The following SYTL5 variants were observed in gnomAD, a reference collection of about 807,000 sequenced individuals.
SYTL5 encodes synaptotagmin like 5, also known as synaptotagmin-like protein 5.
In SYTL5, 34 loss-of-function variants were observed where a neutral mutation model predicts 55.9. That is an observed-to-expected ratio of 0.61 (90% confidence interval 0.46 to 0.81). SYTL5 has a LOEUF of 0.81. SYTL5 is among the 30% of genes least tolerant of loss of function. The pLI is 0.00. For missense variants in SYTL5, 637 were observed against 546.7 expected (o/e 1.17, Z -1.65); for synonymous variants, 221 against 188.7 (o/e 1.17, Z -1.40).
At chrX:38,036,520 G>T (rs766841680) in intron 2 of SYTL5, among the ~76,000 whole-genome samples, 3 of 111,552 alleles carry the variant, frequency 2.7e-5, no homozygotes, top group African/African-American at 9.8e-5. Flanking sequence ...ATAAATCCAA[G>T]AGATACTTTT....
At chrX:37,953,296 C>T in the SYTL5 span, among the ~76,000 whole-genome samples, 1 of 110,884 alleles carries the variant, frequency 9.0e-6, no homozygotes, top group African/African-American at 3.3e-5. Flanking sequence ...TCAAAGGAAG[C>T]ATATGCAGGA....
the SYTL5 span, among the ~76,000 whole-genome samples, chrX:37,929,868 GA>G: frequency 3.6e-5 from 4 of 111,654 alleles, no homozygotes; most frequent in African/African-American, 9.8e-5. Flanking sequence ...CTTCTAAAAA[GA>G]AAAAAATATA....
At chrX:38,080,024 C>A (rs759050585) in intron 6 of SYTL5, among the ~76,000 whole-genome samples, 2 of 111,539 alleles carry the variant, frequency 1.8e-5, no homozygotes, top group East Asian at 2.8e-4. Context: ...AGTTTAACTG[C>A]GAGTTCTGTA....
chrX:38,033,327 G>C (rs1429726417), intron 1 of SYTL5, among the ~76,000 whole-genome samples: 1 of 111,638 alleles, frequency 9.0e-6, no homozygotes, highest in Non-Finnish European at 1.9e-5. Flanking sequence ...TTTGCATAGA[G>C]AACCAGGAAT....
At chrX:37,969,586 G>A in the SYTL5 span, among the ~76,000 whole-genome samples, 3 of 112,091 alleles carry the variant, frequency 2.7e-5, no homozygotes, top group Admixed American at 2.8e-4. Context: ...ATTAGTAAAA[G>A]TTACAGGAGC....
chrX:37,909,370 A>G, the SYTL5 span, among the ~76,000 whole-genome samples: 1 of 112,464 alleles, frequency 8.9e-6, no homozygotes, highest in Non-Finnish European at 1.9e-5. Context: ...AATGGAGTAG[A>G]TCAAGCTTGT....
chrX:37,898,478 T>C, the SYTL5 span, among the ~76,000 whole-genome samples: 1,280 of 112,293 alleles, frequency 0.011, 12 homozygotes, highest in Middle Eastern at 0.019. Context: ...GGAACCCTCC[T>C]GAATCATTAA....
chrX:37,893,448 T>C, the SYTL5 span, among the ~76,000 whole-genome samples: 1 of 95,625 alleles, frequency 1.0e-5, no homozygotes, highest in Non-Finnish European at 2.0e-5. Context: ...ATAGATTGTA[T>C]ATATAATCTA....
chrX:37,936,407 G>A, the SYTL5 span, among the ~76,000 whole-genome samples: 31 of 112,308 alleles, frequency 2.8e-4, no homozygotes, highest in East Asian at 8.7e-3. Context: ...CAAATCTCAA[G>A]ATCATTTATT....
chrX:37,987,306 C>T, the SYTL5 span, among the ~76,000 whole-genome samples: 11 of 112,131 alleles, frequency 9.8e-5, no homozygotes, highest in East Asian at 1.7e-3. Context: ...GGATAGGGGC[C>T]AAGGTACTGC....
the SYTL5 span, chrX:37,991,095 G>T: frequency 2.5e-6 from 3 of 1,209,603 alleles, no homozygotes; most frequent in Non-Finnish European, 3.4e-6. Flanking sequence ...ACAAGATAGG[G>T]AGAGAGAAGT....
chrX:38,028,749 A>T (rs1451265261), intron 1 of SYTL5, among the ~76,000 whole-genome samples: 2 of 111,622 alleles, frequency 1.8e-5, no homozygotes, highest in Non-Finnish European at 3.8e-5. Flanking sequence ...GTTATCAGAA[A>T]CCTGCATTCA....
the SYTL5 span, among the ~76,000 whole-genome samples, chrX:37,890,017 T>C: frequency 2.0e-3 from 226 of 111,568 alleles, 2 homozygotes; most frequent in African/African-American, 7.0e-3. Context: ...TAAAAGCTGA[T>C]AGAGCCAGTG....
At chrX:38,049,314 AT>A (rs1027442994) in intron 2 of SYTL5, among the ~76,000 whole-genome samples, 7 of 111,806 alleles carry the variant, frequency 6.3e-5, no homozygotes, top group African/African-American at 2.0e-4. Flanking sequence ...TTCTTATTGT[AT>A]TTTTTTGGGA....
rs374423801 is a variant in SYTL5, at chrX:38,117,597, C to T, written c.1597-2761C>T. ...CTCATGATTCTGTGGGTCGACTAGA[C>T]TCATCTAGGTAGTTCTCACTTAGGG... is the stretch of plus-strand genomic sequence containing the variant. On this transcript the variant is annotated intron_variant, in intron 13 of 16. Transcript: ENST00000297875. 1.2e-4 allele frequency among the ~76,000 whole-genome samples: 13 copies of T among 112,215 alleles called. No homozygotes were observed. The East Asian group carries it at 2.2e-3, about 19-fold the overall frequency.
intron 1 of SYTL5, among the ~76,000 whole-genome samples, chrX:38,027,687 A>T (rs924975424): frequency 2.7e-5 from 3 of 112,192 alleles, no homozygotes; most frequent in Non-Finnish European, 5.6e-5. Flanking sequence ...AGCAAGAATA[A>T]TTATTTTTCA....
chrX:37,945,601 G>A, the SYTL5 span, among the ~76,000 whole-genome samples: 1 of 111,533 alleles, frequency 9.0e-6, no homozygotes, highest in Non-Finnish European at 1.9e-5. Context: ...AATGAACTTA[G>A]AGCGTGTCTT....
At chrX:37,919,285 G>T in the SYTL5 span, among the ~76,000 whole-genome samples, 1 of 111,619 alleles carries the variant, frequency 9.0e-6, no homozygotes, top group East Asian at 2.8e-4. Flanking sequence ...ATTTGGCAAA[G>T]TGAGTAGCCA....
chrX:38,081,719 C>G (rs894955567), intron 6 of SYTL5, among the ~76,000 whole-genome samples: 1 of 111,823 alleles, frequency 8.9e-6, no homozygotes, highest in Non-Finnish European at 1.9e-5. Flanking sequence ...TCTAGAAAAC[C>G]GTGCTGAATG....
Sources: allele counts gnomAD v4.1 joint callset (sites outside exome capture counted in the v4.1 genomes callset), GRCh38; gene constraint gnomAD v4.1.1; transcripts MANE v1.5; gene names NCBI Gene and HGNC (gene_info 2026-07-23, HGNC 2026-07-21).